The following LRRC49 variants were observed in gnomAD, a reference collection of about 807,000 sequenced individuals.
LRRC49 encodes leucine rich repeat containing 49, also known as leucine-rich repeat-containing protein 49.
A neutral mutation model predicts 83.3 loss-of-function variants in LRRC49; 50 were observed. The ratio of observed to expected loss-of-function variants is 0.60; its 90% CI spans 0.48 to 0.76. The LOEUF (loss-of-function observed/expected upper bound fraction) is 0.76, where lower values mean the gene tolerates loss of function less well. LRRC49 is among the 30% of genes least tolerant of loss of function. The pLI, the probability that LRRC49 is intolerant of heterozygous loss-of-function variation, is 0.00. For synonymous variants in LRRC49, 286 were observed against 283.3 expected (o/e 1.01, Z -0.10); for missense variants, 704 against 809.1 (o/e 0.87, Z 1.58).
chr15:70,874,590 G>T (rs1435559027), intron 2 of LRRC49, among the ~76,000 whole-genome samples: 1 of 152,194 alleles, frequency 6.6e-6, no homozygotes, highest in East Asian at 1.9e-4. Context: ...TCTCAGCTCT[G>T]CCACTAATCA....
chr15:70,874,560 A>G (rs180680731), intron 2 of LRRC49, among the ~76,000 whole-genome samples: 18 of 152,310 alleles, frequency 1.2e-4, no homozygotes, highest in Admixed American at 1.0e-3. Context: ...TTTTTAGATG[A>G]CAAGCTACAG....
intron 8 of LRRC49, among the ~76,000 whole-genome samples, chr15:70,943,516 C>G (rs2035896965): frequency 6.6e-6 from 1 of 152,174 alleles, no homozygotes; most frequent in Admixed American, 6.5e-5. Flanking sequence ...TCTTGCATCC[C>G]TTCTCCCCTG....
chr15:70,859,111 GAAC>G, intron 1 of LRRC49: 3 of 1,373,260 alleles, frequency 2.2e-6, no homozygotes, highest in Non-Finnish European at 3.1e-6. Context: ...AGATGGCTCG[GAAC>G]AACAAGAACA....
chr15:70,902,649 CT>C (rs2034130474), intron 4 of LRRC49: 1 of 152,208 alleles, frequency 6.6e-6, no homozygotes, highest in African/African-American at 2.4e-5. Context: ...AGCTAGGAGC[CT>C]GAGGGGTCAA....
intron 6 of LRRC49, among the ~76,000 whole-genome samples, chr15:70,917,670 G>T (rs1358442426): frequency 6.6e-6 from 1 of 152,192 alleles, no homozygotes; most frequent in East Asian, 1.9e-4. Context: ...TACCCTCTCT[G>T]CTAGGAGCTG....
intron 9 of LRRC49, among the ~76,000 whole-genome samples, chr15:70,974,135 AAAT>A (rs2037118169): frequency 6.6e-6 from 1 of 152,156 alleles, no homozygotes; most frequent in African/African-American, 2.4e-5. Context: ...CAAAAAAATA[AAAT>A]AATAAAATAA....
chr15:70,881,915 G>A (rs918386665), intron 2 of LRRC49: 1 of 152,166 alleles, frequency 6.6e-6, no homozygotes, highest in Non-Finnish European at 1.5e-5. Context: ...ATGCTCACAG[G>A]ACAGATCTAT....
intron 13 of LRRC49, 98 bp downstream of exon 13, chr15:71,010,090 C>A: frequency 3.0e-6 from 2 of 670,332 alleles, no homozygotes; most frequent in Non-Finnish European, 2.2e-6. Flanking sequence ...CATGATAGAA[C>A]ATTTGAGATA....
At chr15:70,980,237 C>T in intron 10 of LRRC49, 53 bp downstream of exon 10, 1 of 1,279,484 alleles carries the variant, frequency 7.8e-7, no homozygotes, top group Non-Finnish European at 1.1e-6. Flanking sequence ...ACACACATAC[C>T]CCAAAGCCAG....
intron 14 of LRRC49, among the ~76,000 whole-genome samples, chr15:71,015,196 G>T (rs998334971): frequency 6.6e-6 from 1 of 152,176 alleles, no homozygotes; most frequent in Non-Finnish European, 1.5e-5. Flanking sequence ...AGAAGAGGAT[G>T]TTTGGTCAAA....
chr15:70,905,211 AC>A (rs2034254261), intron 5 of LRRC49, among the ~76,000 whole-genome samples: 1 of 152,196 alleles, frequency 6.6e-6, no homozygotes, highest in South Asian at 2.1e-4. Flanking sequence ...TCCTATATGA[AC>A]TTTCCCAGTT....
At chr15:70,883,153 A>T (rs1248044688) in intron 2 of LRRC49, among the ~76,000 whole-genome samples, 1 of 152,062 alleles carries the variant, frequency 6.6e-6, no homozygotes, top group African/African-American at 2.4e-5. Context: ...TTTGCTTACA[A>T]CTAATTTTTT....
At chr15:71,049,343 C>A in intron 15 of LRRC49, 66 bp from the exon 16 acceptor site, 3 of 1,011,730 alleles carry the variant, frequency 3.0e-6, no homozygotes, top group African/African-American at 1.6e-5. Context: ...TGTGGTTCAG[C>A]TAATTGTTGC....
intron 13 of LRRC49, among the ~76,000 whole-genome samples, chr15:71,012,177 GA>G (rs1465438448): frequency 6.6e-6 from 1 of 152,116 alleles, no homozygotes; most frequent in African/African-American, 2.4e-5. Context: ...TTATATTAAA[GA>G]AAATATCCCC....
At chr15:71,043,334 C>A (rs2039754462) in intron 15 of LRRC49, among the ~76,000 whole-genome samples, 1 of 152,154 alleles carries the variant, frequency 6.6e-6, no homozygotes. Context: ...CAACAAAATT[C>A]TAGTTTAATG....
At chr15:70,911,746 G>T in intron 6 of LRRC49, 148 bp downstream of exon 6, 1 of 553,884 alleles carries the variant, frequency 1.8e-6, no homozygotes. Context: ...CTTATTTATA[G>T]AAGATTTGGT....
chr15:70,928,149 T>G (rs2035277296), intron 7 of LRRC49, among the ~76,000 whole-genome samples: 1 of 152,218 alleles, frequency 6.6e-6, no homozygotes, highest in Admixed American at 6.5e-5. Context: ...CTGTTCCATC[T>G]ATTCGTCTAC....
intron 2 of LRRC49, among the ~76,000 whole-genome samples, chr15:70,884,564 C>T (rs1424990985): frequency 6.6e-6 from 1 of 151,370 alleles, no homozygotes; most frequent in African/African-American, 2.4e-5. Flanking sequence ...AAGAAAGAAA[C>T]TTTGTAAAGA....
intron 7 of LRRC49, among the ~76,000 whole-genome samples, chr15:70,933,823 G>A (rs1411298939): frequency 6.6e-6 from 1 of 152,124 alleles, no homozygotes; most frequent in African/African-American, 2.4e-5. Flanking sequence ...GACAAAGCAC[G>A]GTGAGGTTTT....
Sources: allele counts gnomAD v4.1 joint callset (sites outside exome capture counted in the v4.1 genomes callset), GRCh38; gene constraint gnomAD v4.1.1; transcripts MANE v1.5; gene names NCBI Gene and HGNC (gene_info 2026-07-23, HGNC 2026-07-21).